Variants in GRK4 observed in about 807,000 individuals in gnomAD.
GRK4 encodes the protein G protein-coupled receptor kinase 2-like.
A neutral mutation model predicts 77.9 loss-of-function variants in GRK4; 73 were observed. That is an observed-to-expected ratio of 0.94 (90% CI 0.78 to 1.14). The LOEUF is 1.14. GRK4 is among the 50% of genes most tolerant of loss of function. GRK4 has a pLI of 0.00. For missense variants in GRK4, 729 were observed against 700.2 expected (o/e 1.04, Z -0.46); for synonymous variants, 257 against 254.4 (o/e 1.01, Z -0.10).
intron 11 of GRK4, 141 bp downstream of exon 11, chr4:3,028,142 A>C: frequency 2.8e-6 from 2 of 702,614 alleles, no homozygotes; most frequent in South Asian, 1.7e-5. Flanking sequence ...TTGAATCTCT[A>C]ACCTGTCAGA....
Position 3,013,778 on chromosome 4 carries a change from A to G in GRK4, c.691A>G (p.Met231Val). 5 of 1,612,156 alleles carry G rather than the reference A, an allele frequency of 3.1e-6. No individual in the cohort carries two copies. Among genetic ancestry groups the G allele is most frequent in the Admixed American group, 3.4e-5 (2 of 59,544 alleles). Residue 231 changes from methionine to valine, a missense_variant, in exon 8 of 16, where the codon ATG (methionine) becomes GTG (valine). Met to Val is a conservative substitution (Grantham distance 21). Coordinates refer to ENST00000398052, the MANE Select transcript of GRK4 (RefSeq NM_182982.3). ...KRIKKRKGEA[M>V]ALNEKRILEK... ...AATAAAGAAGAGGAAAGGTGAAGCT[A>G]TGGCTCTAAATGAGAAAAGAATTCT...
At chr4:2,998,021 T>C (rs889037668) in intron 4 of GRK4, among the ~76,000 whole-genome samples, 8 of 152,116 alleles carry the variant, frequency 5.3e-5, no homozygotes, top group Non-Finnish European at 7.4e-5. Context: ...TAAGTTCCAT[T>C]GTACTGGAGG....
chr4:3,015,443 T>TGGGAGGCCGAGGCAGGCGTC (rs914687215), intron 8 of GRK4, among the ~76,000 whole-genome samples: 6 of 152,218 alleles, frequency 3.9e-5, no homozygotes, highest in Admixed American at 2.0e-4. Flanking sequence ...CCCAGCACTT[T>TGGGAGGCCGAGGCAGGCGTC]GGGAGGCCGA....
intron 1 of GRK4, chr4:2,965,563 A>C (rs1717395135): frequency 3.0e-6 from 2 of 663,564 alleles, no homozygotes; most frequent in African/African-American, 1.8e-5. Context: ...GACAGTCTGG[A>C]GCCGAAGGTG....
chr4:2,984,382 C>T (rs889116579), intron 1 of GRK4, 131 bp from the exon 2 acceptor site: 7 of 492,798 alleles, frequency 1.4e-5, no homozygotes, highest in African/African-American at 1.2e-4. Context: ...TTATTATAAG[C>T]ATGTATTTTT....
intron 1 of GRK4, chr4:2,969,413 G>C (rs1718789095): frequency 1.5e-5 from 2 of 131,140 alleles, no homozygotes; most frequent in African/African-American, 5.9e-5. Context: ...TTTCGCTCTT[G>C]TTGCCCAGGC....
At chr4:2,973,791 T>G (rs1244858821) in intron 1 of GRK4, among the ~76,000 whole-genome samples, 1 of 152,180 alleles carries the variant, frequency 6.6e-6, no homozygotes, top group Non-Finnish European at 1.5e-5. Flanking sequence ...CTATTAAAAT[T>G]TAAGCCAGAT....
chr4:3,037,507 A>G lies in GRK4; in HGVS notation c.1541A>G (p.Asn514Ser). The change falls in exon 14 of 16, where the codon AAT becomes AGT. Residue 514 changes from asparagine to serine, a missense_variant. Coordinates refer to ENST00000398052, the MANE Select transcript of GRK4 (RefSeq NM_182982.3). ...GGGTGTGTCTCCATCCCCTGGCAGAATGAGGTACTGCCCTTCCAGCACAGC... is the reference window on the plus strand; with the variant it reads ...GGGTGTGTCTCCATCCCCTGGCAGAGTGAGGTACTGCCCTTCCAGCACAGC... ...ATGCVSIPWQ[N>S]EMIESGCFKD... is the part of the protein sequence containing the mutation. The G allele has an allele frequency of 6.2e-7, 1 of 1,603,058 alleles. No individual in the cohort carries two copies. Among genetic ancestry groups the G allele is most frequent in the Non-Finnish European group, 8.5e-7 (1 of 1,171,084 alleles).
rs1741466662 is a variant in GRK4, at chr4:3,038,476, C to G, written c.1646C>G (p.Pro549Arg). 1.2e-6 allele frequency: 2 copies of G among 1,613,154 alleles called. No individual in the cohort carries two copies. Among genetic ancestry groups the G allele is most frequent in the African/African-American group, 2.7e-5 (2 of 74,576 alleles). Residue 549 changes from proline to arginine, a missense_variant, in exon 15 of 16, where the codon CCA becomes CGA. By Grantham distance (103) the Pro-to-Arg change is moderately radical. Transcript: ENST00000398052. The stretch of plus-strand genomic sequence containing the variant: ...AACATACATACCCCGGTTTCCAGAC[C>G]AAACAGAGGCTTCTTCTATAGACTC... ...DKNIHTPVSRPNRGFFYRLFR... is the reference protein window; with the variant it reads ...DKNIHTPVSRRNRGFFYRLFR...
intron 8 of GRK4, among the ~76,000 whole-genome samples, chr4:3,018,074 C>T (rs919379157): frequency 1.5e-5 from 2 of 131,750 alleles, no homozygotes; most frequent in Admixed American, 7.5e-5. Flanking sequence ...TTTTCTTTTT[C>T]TTTTTTTTTT....
chr4:2,966,024 A>G (rs1183661769), intron 1 of GRK4: 2 of 160,108 alleles, frequency 1.2e-5, no homozygotes, highest in Non-Finnish European at 2.8e-5. Context: ...TGCTGCAGAG[A>G]TTAGATAATG....
intron 2 of GRK4, among the ~76,000 whole-genome samples, chr4:2,987,463 G>T (rs941317960): frequency 2.6e-5 from 4 of 152,182 alleles, no homozygotes; most frequent in Non-Finnish European, 5.9e-5. Context: ...TGTTTGAAAT[G>T]TACAGTTCGG....
In GRK4 at chr4:3,008,727, CA is replaced by C. The variant is rs1237419991; in HGVS notation, c.536+900del. On this transcript the variant is annotated intron_variant, in intron 6 of 15. Transcript: ENST00000398052. ...TGAGGCAGGAGAAATCGCCTGAACC[CA>C]GGAGGTGGAGGTTGCAGTGAGCTGA... Among the ~76,000 whole-genome samples the C allele has an allele frequency of 3.3e-5, 5 of 150,990 alleles. No homozygotes were observed. The East Asian group carries it at 9.7e-4, about 29-fold the overall frequency.
chr4:3,039,795 G>T (rs545196449), intron 15 of GRK4, among the ~76,000 whole-genome samples: 37 of 151,996 alleles, frequency 2.4e-4, no homozygotes, highest in Admixed American at 2.2e-3. Context: ...GAGAACTAAG[G>T]GTTAGGTGTG....
At chr4:2,986,294 A>G (rs1388588229) in intron 2 of GRK4, among the ~76,000 whole-genome samples, 1 of 145,630 alleles carries the variant, frequency 6.9e-6, no homozygotes, top group Non-Finnish European at 1.5e-5. Flanking sequence ...TTTTTTTTCA[A>G]TGTTTCCTTT....
At position 2,963,634 on chromosome 4, in the gene GRK4, C is replaced by A; in HGVS notation, c.-437C>A. ...TCAGCTAAGCCGTTAGCGCCGAGCC[C>A]GCCCGGGAGCGGGTCGCCGGCCGCG... On this transcript the variant is annotated 5_prime_UTR_variant, in exon 1 of 16. Transcript: ENST00000398052. 2.6e-6 allele frequency: 1 copy of A among 391,848 alleles called. No individual in the cohort carries two copies. Among genetic ancestry groups the A allele is most frequent in the Non-Finnish European group, 4.5e-6 (1 of 221,138 alleles). 24.3% of individuals were successfully genotyped at this position (391,848 alleles called of 1,614,324 possible).
chr4:2,980,106 A>G (rs948313535), intron 1 of GRK4, among the ~76,000 whole-genome samples: 2 of 152,210 alleles, frequency 1.3e-5, no homozygotes, highest in Non-Finnish European at 2.9e-5. Flanking sequence ...TCATCCTGTT[A>G]GGACCAGCTG....
chr4:2,981,785 C>T (rs896597000), intron 1 of GRK4, among the ~76,000 whole-genome samples: 1 of 152,260 alleles, frequency 6.6e-6, no homozygotes, highest in East Asian at 1.9e-4. Flanking sequence ...GACCCTGCCC[C>T]TTTCTACCCA....
intron 1 of GRK4, chr4:2,969,244 T>C (rs1305568615): frequency 6.6e-6 from 1 of 152,232 alleles, no homozygotes; most frequent in Non-Finnish European, 1.5e-5. Flanking sequence ...ATTAAAAGAC[T>C]GCTCTTTCTA....
Sources: gnomAD v4.1 joint callset for allele counts (sites outside exome capture counted in the v4.1 genomes callset) on GRCh38, gnomAD v4.1.1 for gene constraint, MANE v1.5 for transcripts, NCBI Gene and HGNC (gene_info 2026-07-23, HGNC 2026-07-21) for gene names.